Variants in THBS4 observed in about 807,000 individuals in gnomAD.
THBS4 encodes the protein thrombospondin 4.
A neutral mutation model predicts 115.7 loss-of-function variants in THBS4; 90 were observed. The ratio of observed to expected loss-of-function variants is 0.78; its 90% CI spans 0.66 to 0.93. THBS4 has a LOEUF of 0.93. Among genes scored for constraint, THBS4 ranks in the 40% least tolerant of loss-of-function variants. THBS4 has a pLI of 0.00. For missense variants in THBS4, 1,087 were observed against 1,232.7 expected, an observed-to-expected ratio of 0.88 and a Z score of 1.77; for synonymous variants, 460 against 479.3, an observed-to-expected ratio of 0.96 and a Z score of 0.53.
intron 2 of THBS4, among the ~76,000 whole-genome samples, chr5:80,046,707 C>G (rs902148031): frequency 6.6e-6 from 1 of 151,906 alleles, no homozygotes; most frequent in African/African-American, 2.4e-5. Context: ...CTTATTATAC[C>G]TTTCTAAATA....
intron 8 of THBS4, among the ~76,000 whole-genome samples, chr5:80,062,947 G>T (rs375637775): frequency 1.3e-5 from 2 of 152,114 alleles, no homozygotes; most frequent in Admixed American, 6.6e-5. Context: ...ATGGACATTT[G>T]GGTTGGTTCC....
chr5:80,078,244 C>A lies in THBS4; in HGVS notation c.2265+17C>A. ...CTGAACCAGGTGAGTGTCACATGGGCGGCAATGGCTCAGCCTTGCCTCTCA... is the reference window on the plus strand; with the variant it reads ...CTGAACCAGGTGAGTGTCACATGGGAGGCAATGGCTCAGCCTTGCCTCTCA... On this transcript the variant is annotated intron_variant, in intron 17 of 21. Coordinates refer to ENST00000350881, the MANE Select transcript of THBS4 (RefSeq NM_003248.6). The A allele has an allele frequency of 6.4e-7, 1 of 1,555,078 alleles. No homozygotes were observed. Among genetic ancestry groups the A allele is most frequent in the Non-Finnish European group, 8.8e-7 (1 of 1,141,166 alleles).
Position 80,077,022 on chromosome 5 carries a change from C to T in THBS4, c.2060C>T (p.Pro687Leu). 6.2e-7 allele frequency: 1 copy of T among 1,608,710 alleles called. No homozygotes were observed. Among genetic ancestry groups the T allele is most frequent in the Middle Eastern group, 1.7e-4 (1 of 6,018 alleles). The change falls in exon 16 of 22, where the codon CCC (proline) becomes CTC (leucine). Residue 687 changes from proline (P) to leucine (L), a missense_variant. Physicochemically the swap from Pro to Leu is moderately conservative, Grantham distance 98. Around this residue, in one of 3 missense-constraint regions of THBS4, gnomAD observed 979 missense variants for 1,103.7 expected, o/e 0.89. Coordinates refer to ENST00000350881, the MANE Select transcript of THBS4 (RefSeq NM_003248.6). ...PPGPDNCRLV[P>L]NPAQEDSNSD... ...GGACCAGACAACTGCCGGCTGGTCC[C>T]CAACCCAGCCCAGGAGGATAGCAAC...
intron 9 of THBS4, chr5:80,067,481 C>T (rs1357847035): frequency 1.3e-5 from 2 of 152,424 alleles, no homozygotes; most frequent in Non-Finnish European, 2.9e-5. Flanking sequence ...AGTTTCTCAG[C>T]CTACCTCATC....
At chr5:80,060,762 C>CA (rs368527960) in intron 7 of THBS4, among the ~76,000 whole-genome samples, 18 of 150,880 alleles carry the variant, frequency 1.2e-4, no homozygotes, top group Admixed American at 4.6e-4. Context: ...AAAAAACAAA[C>CA]AAAAAAAAAC....
At chr5:80,059,586 G>T in intron 6 of THBS4, 95 bp downstream of exon 6, 1 of 1,595,734 alleles carries the variant, frequency 6.3e-7, no homozygotes, top group Admixed American at 1.7e-5. Context: ...GTTTCTGAAG[G>T]TCTACCACAT....
intron 2 of THBS4, 131 bp downstream of exon 2, chr5:80,040,411 A>G (rs1271101732): frequency 3.2e-6 from 2 of 630,550 alleles, no homozygotes; most frequent in African/African-American, 2.0e-5. Context: ...AGTTTTTAAT[A>G]CTGAATTCTT....
chr5:80,056,119 C>T, intron 3 of THBS4, 87 bp downstream of exon 3: 1 of 1,451,894 alleles, frequency 6.9e-7, no homozygotes, highest in Non-Finnish European at 9.2e-7. Flanking sequence ...GAAATTCCTG[C>T]TGCAGGTCAG....
rs939638748 is a variant in THBS4 at position 80,035,733 on chromosome 5, C to T, written c.88+108C>T. The T allele has an allele frequency of 1.4e-6, 1 of 726,934 alleles. No individual in the cohort carries two copies. The highest frequency in any genetic ancestry group is 1.9e-6 in the Non-Finnish European group (1 of 523,336). 45.0% of individuals were successfully genotyped at this position (726,934 alleles called of 1,614,324 possible). ...TGTGCTCCTGTGGCCTTGCTCAGCC[C>T]CTCTCTGTCCCTCCCGGGCCCAATC... On this transcript the variant is annotated intron_variant, in intron 1 of 21. Coordinates refer to ENST00000350881, the MANE Select transcript of THBS4 (RefSeq NM_003248.6). This position sits in a 1 kb window ranked among gnomAD's most constrained non-coding sequence, Gnocchi z 4.6.
chr5:80,079,926 C>T lies in THBS4; in HGVS notation c.2533C>T (p.Pro845Ser), dbSNP rs765154905. ...QLKAVKSKTGPGEHLRNSLWH... is the reference protein window; with the variant it reads ...QLKAVKSKTGSGEHLRNSLWH... ...GCAGGCTGTGAAGTCTAAGACAGGT[C>T]CAGGGGAGCATCTCCGGAACTCCCT... The change falls in exon 20 of 22, where the codon CCA (proline) becomes TCA (serine). Residue 845 changes from proline (P) to serine (S), a missense_variant. By Grantham distance (74) the Pro-to-Ser change is moderately conservative. This residue lies in a region of THBS4 where 979 missense variants were observed against 1,103.7 expected (regional missense o/e 0.89). Coordinates refer to ENST00000350881, the MANE Select transcript of THBS4 (RefSeq NM_003248.6). 9 of 1,613,896 alleles carry T rather than the reference C, an allele frequency of 5.6e-6. No individual in the cohort carries two copies. The highest frequency in any genetic ancestry group is 5.1e-6 in the Non-Finnish European group (6 of 1,179,994).
At chr5:80,030,576 C>T (rs992903697), upstream of THBS4, among the ~76,000 whole-genome samples, 5 of 152,114 alleles carry the variant, frequency 3.3e-5, no homozygotes, top group Non-Finnish European at 7.4e-5. Flanking sequence ...ACCATGTTGG[C>T]CAGGCTGGTC....
chr5:80,054,564 C>T (rs1488744258), intron 2 of THBS4, among the ~76,000 whole-genome samples: 5 of 152,254 alleles, frequency 3.3e-5, no homozygotes, highest in African/African-American at 4.8e-5. Flanking sequence ...CATGATCTGC[C>T]CACCTCAGCC....
upstream of THBS4, among the ~76,000 whole-genome samples, chr5:80,031,778 T>TA (rs1247212789): frequency 6.6e-6 from 1 of 152,198 alleles, no homozygotes; most frequent in Admixed American, 6.5e-5. Context: ...CCAAGCATGT[T>TA]ACGTGGCCAA....
rs1021556887 is a variant in THBS4, at chr5:80,073,429, G to C, written c.1892+102G>C. 7.6e-6 allele frequency: 8 copies of C among 1,052,814 alleles called. No individual in the cohort carries two copies. The African/African-American group carries it at 1.3e-4, about 17-fold the overall frequency. The allele number at this position is 1,052,814 out of a possible 1,614,324, so 65.2% of individuals were successfully genotyped here. ...GGCGGAGTCTCACTCTATCACCCAG[G>C]CTGGAGTACAGTGGTGCAATCTCGG... is the stretch of plus-strand genomic sequence containing the variant. On this transcript the variant is annotated intron_variant, in intron 15 of 21. Coordinates refer to ENST00000350881, the MANE Select transcript of THBS4 (RefSeq NM_003248.6).
chr5:80,004,149 T>C (rs1488886881), intron 2 of THBS4, among the ~76,000 whole-genome samples: 3 of 152,214 alleles, frequency 2.0e-5, no homozygotes, highest in African/African-American at 7.2e-5. Context: ...CCATCCACCA[T>C]GACTGAGCTG....
rs148499662 is a variant in THBS4 at position 80,076,728 on chromosome 5, T to C, written c.1893-127T>C. ...GCCTTATCTAAGGGAATGACCCCAG[T>C]GGGTTTGATTTTAAGAGCCAACCCT... On this transcript the variant is annotated intron_variant, in intron 15 of 21. Transcript: ENST00000350881. The C allele has an allele frequency of 8.1e-5, 76 of 939,600 alleles. No homozygotes were observed. In the African/African-American group the frequency reaches 1.2e-3, roughly 15 times the overall value. 58.2% of individuals were successfully genotyped at this position (939,600 alleles called of 1,614,324 possible).
Position 79,998,705 on chromosome 5 carries a change from A to G in THBS4, n.177+278A>G, listed in dbSNP as rs144905010. On this transcript the variant is annotated intron_variant and non_coding_transcript_variant, in intron 2 of 3. Coordinates refer to the THBS4 transcript ENST00000510218. ...ATTTTACAACTTCCTGTGAGTCTATACTTAATTGAAATTAGATGTTTTTAA... is the reference window on the plus strand; with the variant it reads ...ATTTTACAACTTCCTGTGAGTCTATGCTTAATTGAAATTAGATGTTTTTAA... 3.3e-5 allele frequency among the ~76,000 whole-genome samples: 5 copies of G among 152,346 alleles called. No individual in the cohort carries two copies. The East Asian group carries it at 7.7e-4, about 24-fold the overall frequency.
intron 2 of THBS4, among the ~76,000 whole-genome samples, chr5:80,017,218 G>T (rs1030928114): frequency 6.6e-6 from 1 of 152,060 alleles, no homozygotes; most frequent in Non-Finnish European, 1.5e-5. Flanking sequence ...AAATAATACC[G>T]TAAAGAAAAC....
In THBS4 at chr5:80,061,680, CT is replaced by C; in HGVS notation, c.988-9del. ...TCTCGGTGTGGCTAAAGACTTTGAA[CT>C]TTTTTGTCTCCAGTGCAAATACCAT... On this transcript the variant is annotated splice_polypyrimidine_tract_variant and intron_variant, in intron 7 of 21. Transcript: ENST00000350881. The C allele has an allele frequency of 1.9e-6, 3 of 1,591,636 alleles. No individual in the cohort carries two copies. The highest frequency in any genetic ancestry group is 2.6e-6 in the Non-Finnish European group (3 of 1,166,954).
Sources: allele counts gnomAD v4.1 joint callset (sites outside exome capture counted in the v4.1 genomes callset), GRCh38; gene constraint gnomAD v4.1.1; regional missense constraint gnomAD v4.1.1; non-coding constraint Gnocchi (gnomAD v3.1); transcripts MANE v1.5; gene names NCBI Gene and HGNC (gene_info 2026-07-23, HGNC 2026-07-21).